Variants in PLA2R1 observed in about 807,000 individuals in gnomAD.
PLA2R1 encodes the protein secretory phospholipase A2 receptor.
In PLA2R1, 158 loss-of-function variants were observed where a neutral mutation model predicts 195.9. The observed-to-expected ratio is 0.81, with a 90% CI of 0.71 to 0.92. PLA2R1 has a LOEUF of 0.92. Among genes scored for constraint, PLA2R1 ranks in the 40% least tolerant of loss-of-function variants. The pLI, the probability that PLA2R1 is intolerant of heterozygous loss-of-function variation, is 0.00. For synonymous variants in PLA2R1, 586 were observed against 598.2 expected (o/e 0.98, Z 0.30); for missense variants, 1,626 against 1,764.6 (o/e 0.92, Z 1.41).
At chr2:160,013,743 GTGTGTGTGTCTC>G (rs1369657281) in intron 9 of PLA2R1, among the ~76,000 whole-genome samples, 1,881 of 141,396 alleles carry the variant, frequency 0.013, 24 homozygotes, top group African/African-American at 0.039. Flanking sequence ...GTGTGTGTGT[GTGTGTGTGTCTC>G]TCTCTCTCTG....
chr2:159,929,501 T>A (rs1041687752), downstream of PLA2R1, among the ~76,000 whole-genome samples: 5 of 136,936 alleles, frequency 3.7e-5, no homozygotes, highest in Non-Finnish European at 8.2e-5. Context: ...TATAAAAAAA[T>A]AGATGTTGGT....
intron 3 of PLA2R1, among the ~76,000 whole-genome samples, chr2:160,040,234 G>T (rs534509896): frequency 6.6e-6 from 1 of 151,840 alleles, no homozygotes; most frequent in South Asian, 2.1e-4. Context: ...CTTTCATTCT[G>T]GTTGGTGAAT....
At chr2:160,060,759 T>G (rs72621702) in intron 1 of PLA2R1, among the ~76,000 whole-genome samples, 6,465 of 152,292 alleles carry the variant, frequency 0.042, 499 homozygotes, top group East Asian at 0.31. Context: ...CACCAGCACA[T>G]ACTCTCTGTG....
At chr2:160,015,191 G>A in intron 9 of PLA2R1, among the ~76,000 whole-genome samples, 1 of 152,092 alleles carries the variant, frequency 6.6e-6, no homozygotes. Context: ...AAAGGATGGT[G>A]GTGACAAAAC....
chr2:159,951,752 G>A (rs1014484906), intron 23 of PLA2R1, among the ~76,000 whole-genome samples, 174 bp from the exon 24 acceptor site: 1 of 152,172 alleles, frequency 6.6e-6, no homozygotes, highest in Admixed American at 6.5e-5. Flanking sequence ...GCAAAAAAAT[G>A]AGAACACTCA....
chr2:159,958,706 AATTTTGCCCCTCAGGGTAT>A (rs1454704009), intron 20 of PLA2R1, among the ~76,000 whole-genome samples: 1 of 152,200 alleles, frequency 6.6e-6, no homozygotes, highest in Admixed American at 6.5e-5. Flanking sequence ...CCAACAGGAC[AATTTTGCCCCTCAGGGTAT>A]ATTTTGATAA....
intron 12 of PLA2R1, 100 bp downstream of exon 12, chr2:159,987,055 TG>T: frequency 1.2e-6 from 1 of 838,474 alleles, no homozygotes; most frequent in Non-Finnish European, 2.0e-6. Flanking sequence ...GGCACTGTTC[TG>T]GAAAAAAAAA....
chr2:159,947,366 A>C, intron 26 of PLA2R1, 53 bp downstream of exon 26: 1 of 1,489,394 alleles, frequency 6.7e-7, no homozygotes, highest in South Asian at 1.3e-5. Flanking sequence ...TTGTTTACTG[A>C]AATGGCAAGA....
At chr2:159,952,264 C>T (rs971492508) in intron 23 of PLA2R1, among the ~76,000 whole-genome samples, 2 of 152,148 alleles carry the variant, frequency 1.3e-5, no homozygotes, top group Non-Finnish European at 2.9e-5. Flanking sequence ...CTGTGAGTGG[C>T]TGTGATCATG....
intron 1 of PLA2R1, among the ~76,000 whole-genome samples, chr2:160,055,889 C>G (rs1041755883): frequency 1.3e-5 from 2 of 152,194 alleles, no homozygotes; most frequent in South Asian, 4.1e-4. Context: ...CAGGAAATCT[C>G]AGGGCTACAG....
At chr2:159,947,621 A>G in intron 25 of PLA2R1, 62 bp from the exon 26 acceptor site, 1 of 1,389,356 alleles carries the variant, frequency 7.2e-7, no homozygotes, top group African/African-American at 1.4e-5. Flanking sequence ...TGAGATAAAT[A>G]TTACATTACA....
At position 160,042,054 on chromosome 2, in the gene PLA2R1, T is replaced by C; in HGVS notation, c.638A>G (p.Asp213Gly). The part of the protein sequence containing the change: ...WCATTSRYER[D>G]EKWGFCPDPT... ...ATCAGGGCAAAATCCCCACTTTTCA[T>C]CTCTTTCATAACGGCTTGTCGTGGC... Residue 213 changes from aspartate to glycine, a missense_variant, in exon 3 of 30, where the codon GAT becomes GGT. Coordinates refer to ENST00000283243, the MANE Select transcript of PLA2R1 (RefSeq NM_007366.5). 1 of 1,614,048 alleles carries C rather than the reference T, an allele frequency of 6.2e-7. No homozygotes were observed. Among genetic ancestry groups the C allele is most frequent in the Non-Finnish European group, 8.5e-7 (1 of 1,179,890 alleles).
intron 11 of PLA2R1, among the ~76,000 whole-genome samples, chr2:160,003,737 C>A (rs1691767941): frequency 6.6e-6 from 1 of 152,138 alleles, no homozygotes; most frequent in Non-Finnish European, 1.5e-5. Context: ...CACTTTTAGG[C>A]CAACATGCTC....
At position 160,022,792 on chromosome 2, in the gene PLA2R1, G is replaced by A. The variant is rs772454095; in HGVS notation, c.1167C>T (p.Cys389=). The change falls in exon 7 of 30, where the codon TGC becomes TGT. Residue 389 remains cysteine (C), a synonymous_variant. Transcript: ENST00000283243. Reference sequence around the variant, plus strand: ...TCTTTTCTTCTTTCTGAAGTTTGTAGCAATTACGATTGTAGGGATTCCAGC... The same window carrying A: ...TCTTTTCTTCTTTCTGAAGTTTGTAACAATTACGATTGTAGGGATTCCAGC... ...EPGWNPYNRN[C]YKLQKEEKTW... 9.9e-6 allele frequency: 16 copies of A among 1,613,338 alleles called. No homozygotes were observed. Among genetic ancestry groups the A allele is most frequent in the Non-Finnish European group, 1.3e-5 (15 of 1,179,426 alleles).
intron 3 of PLA2R1, among the ~76,000 whole-genome samples, chr2:160,037,889 T>C (rs1420741188): frequency 6.6e-6 from 1 of 152,238 alleles, no homozygotes; most frequent in Non-Finnish European, 1.5e-5. Flanking sequence ...TGTAATTATG[T>C]ATTAATTTGG....
intron 23 of PLA2R1, among the ~76,000 whole-genome samples, chr2:159,953,218 T>C (rs1369201538): frequency 6.6e-6 from 1 of 152,234 alleles, no homozygotes; most frequent in Non-Finnish European, 1.5e-5. Context: ...CAGCATGGTT[T>C]TGCCACCCAT....
intron 1 of PLA2R1, among the ~76,000 whole-genome samples, chr2:160,059,174 G>A (rs1308851252): frequency 2.0e-5 from 3 of 152,184 alleles, no homozygotes; most frequent in Non-Finnish European, 4.4e-5. Flanking sequence ...AGTAATGTGA[G>A]GGAAGGGGAG....
chr2:160,015,674 A>G (rs1573900125), intron 9 of PLA2R1, among the ~76,000 whole-genome samples: 2 of 152,228 alleles, frequency 1.3e-5, no homozygotes, highest in South Asian at 4.1e-4. Flanking sequence ...GAGATCAGCT[A>G]TAACTAATTC....
At chr2:160,028,483 A>C (rs1033891122) in intron 5 of PLA2R1, 122 bp from the exon 6 acceptor site, 2 of 718,684 alleles carry the variant, frequency 2.8e-6, no homozygotes, top group African/African-American at 3.6e-5. Context: ...TAAATCCTAT[A>C]AGATGTTATC....
Sources: allele counts gnomAD v4.1 joint callset (sites outside exome capture counted in the v4.1 genomes callset), GRCh38; gene constraint gnomAD v4.1.1; transcripts MANE v1.5; gene names NCBI Gene and HGNC (gene_info 2026-07-23, HGNC 2026-07-21).